The following TRIM44 variants were observed in gnomAD, a reference collection of about 807,000 sequenced individuals.
TRIM44 encodes tripartite motif containing 44.
A neutral mutation model predicts 37.4 loss-of-function variants in TRIM44; 13 were observed. The observed-to-expected ratio is 0.35, with a 90% confidence interval of 0.23 to 0.55. The LOEUF is 0.55. Among genes scored for constraint, TRIM44 ranks in the 20% least tolerant of loss-of-function variants. The probability of loss-of-function intolerance (pLI) is 0.89; values close to 1 mark genes in which losing one functional copy is unlikely to be tolerated. For missense variants in TRIM44, 426 were observed against 437.2 expected (o/e 0.97, Z 0.23); for synonymous variants, 175 against 157.2 (o/e 1.11, Z -0.85).
chr11:35,701,603 T>C (rs1005935141), intron 2 of TRIM44, among the ~76,000 whole-genome samples: 25 of 152,164 alleles, frequency 1.6e-4, no homozygotes, highest in African/African-American at 5.8e-4. Flanking sequence ...GTCACGTGGT[T>C]ACAAGGTCGA....
rs537418699 is a variant in TRIM44 at position 35,666,841 on chromosome 11, GATCT to G, written c.669+3066_669+3069del. On this transcript the variant is annotated intron_variant, in intron 1 of 4. Coordinates refer to ENST00000299413, the MANE Select transcript of TRIM44 (RefSeq NM_017583.6). ...TAACTTTTATATATTGTTTTTTTGTGATCTATCTGCTGAATTATCTTACATATCC... is the reference window on the plus strand; with the variant it reads ...TAACTTTTATATATTGTTTTTTTGTGATCTGCTGAATTATCTTACATATCC... 4.0e-3 allele frequency among the ~76,000 whole-genome samples: 605 copies of G among 152,158 alleles called. 1 individual carries two copies. The highest frequency in any genetic ancestry group is 6.4e-3 in the Non-Finnish European group (434 of 67,978).
intron 2 of TRIM44, among the ~76,000 whole-genome samples, chr11:35,689,691 A>C (rs1423406556): frequency 6.6e-6 from 1 of 152,042 alleles, no homozygotes; most frequent in African/African-American, 2.4e-5. Context: ...GAGCTTTTTT[A>C]TTTCTTTATC....
At chr11:35,791,933 G>A (rs1183809919) in intron 4 of TRIM44, among the ~76,000 whole-genome samples, 2 of 152,148 alleles carry the variant, frequency 1.3e-5, no homozygotes, top group East Asian at 1.9e-4. Flanking sequence ...CAGGAGGGGA[G>A]TGATACAAAA....
intron 3 of TRIM44, among the ~76,000 whole-genome samples, chr11:35,734,187 C>CAT (rs138033159): frequency 1.2e-3 from 180 of 151,428 alleles, no homozygotes; most frequent in African/African-American, 2.7e-3. Flanking sequence ...CCTTAGTTAG[C>CAT]ATATATATAT....
chr11:35,708,982 GCCC>G (rs11286693), intron 2 of TRIM44, among the ~76,000 whole-genome samples: 1 of 148,108 alleles, frequency 6.8e-6, no homozygotes, highest in Non-Finnish European at 1.5e-5. Context: ...ATGTTGCCAT[GCCC>G]CCCCCCCAAA....
intron 3 of TRIM44, among the ~76,000 whole-genome samples, chr11:35,731,563 A>C (rs933907349): frequency 6.6e-6 from 1 of 152,070 alleles, no homozygotes; most frequent in African/African-American, 2.4e-5. Flanking sequence ...TATTAGGATT[A>C]TGTTGGCTTC....
intron 4 of TRIM44, among the ~76,000 whole-genome samples, chr11:35,771,737 A>G (rs1293832646): frequency 6.6e-6 from 1 of 152,134 alleles, no homozygotes; most frequent in Non-Finnish European, 1.5e-5. Context: ...AAAAGAAAAA[A>G]AAAAAAAAGC....
At chr11:35,714,257 G>A (rs1852011209) in intron 2 of TRIM44, among the ~76,000 whole-genome samples, 1 of 152,132 alleles carries the variant, frequency 6.6e-6, no homozygotes, top group Admixed American at 6.5e-5. Context: ...TCTGCTGATG[G>A]TTCTGTGTGC....
intron 1 of TRIM44, among the ~76,000 whole-genome samples, chr11:35,677,697 T>C (rs1000746353): frequency 6.6e-6 from 1 of 152,190 alleles, no homozygotes; most frequent in African/African-American, 2.4e-5. Context: ...CAAATATTTA[T>C]TGAAGGCTTA....
intron 2 of TRIM44, among the ~76,000 whole-genome samples, chr11:35,718,923 G>T (rs907057334): frequency 1.3e-5 from 2 of 150,742 alleles, no homozygotes; most frequent in Non-Finnish European, 3.0e-5. Context: ...TTGGTGGGGC[G>T]GGGGGGTTGA....
chr11:35,739,949 A>G (rs1185019389), intron 4 of TRIM44, among the ~76,000 whole-genome samples: 1 of 151,972 alleles, frequency 6.6e-6, no homozygotes, highest in African/African-American at 2.4e-5. Flanking sequence ...AAATACAAAA[A>G]TTAGCTGGGC....
At chr11:35,714,804 C>T (rs969451364) in intron 2 of TRIM44, among the ~76,000 whole-genome samples, 2 of 152,112 alleles carry the variant, frequency 1.3e-5, no homozygotes, top group African/African-American at 4.8e-5. Context: ...CGATAGTTCC[C>T]GAAGCAGAAG....
intron 2 of TRIM44, among the ~76,000 whole-genome samples, chr11:35,720,584 A>G (rs1852094808): frequency 6.6e-6 from 1 of 152,218 alleles, no homozygotes; most frequent in South Asian, 2.1e-4. Flanking sequence ...GTTGAAAAGA[A>G]AAGGTGAGAG....
chr11:35,811,239 T>G lies in TRIM44; in HGVS notation c.*4854T>G, dbSNP rs1853524743. 6.6e-6 allele frequency: 1 copy of G among 152,142 alleles called. No individual in the cohort carries two copies. The highest frequency in any genetic ancestry group is 6.6e-5 in the Admixed American group (1 of 15,266). The allele number at this position is 152,142 out of a possible 1,614,324, so 9.4% of individuals were successfully genotyped here. A position where few individuals can be genotyped will look rare whatever the true frequency, so the allele number is the denominator to read the frequency against. On this transcript the variant is annotated 3_prime_UTR_variant, in exon 5 of 5. Coordinates refer to ENST00000299413, the MANE Select transcript of TRIM44 (RefSeq NM_017583.6). ...TCTGGGAAGTGGCAAAAGAACAGAC[T>G]TAAGATCATTATTATTTAGTGATAA...
chr11:35,760,436 C>A (rs1016993106), intron 4 of TRIM44, among the ~76,000 whole-genome samples: 1 of 152,222 alleles, frequency 6.6e-6, no homozygotes, highest in South Asian at 2.1e-4. Context: ...TGACCCCTTG[C>A]GCTTCCCAGG....
chr11:35,759,573 G>T (rs989344907), intron 4 of TRIM44, among the ~76,000 whole-genome samples: 89 of 152,144 alleles, frequency 5.8e-4, no homozygotes, highest in Non-Finnish European at 3.1e-4. Flanking sequence ...GATGAGAGGC[G>T]CTCTGATTTT....
intron 3 of TRIM44, among the ~76,000 whole-genome samples, chr11:35,728,140 A>G (rs1431648722): frequency 6.6e-6 from 1 of 152,220 alleles, no homozygotes; most frequent in African/African-American, 2.4e-5. Context: ...GCCCTGGCCA[A>G]CATGGCAAAA....
Position 35,784,203 on chromosome 11 carries a change from A to G in TRIM44, c.1008-22155A>G, listed in dbSNP as rs188478054. 3.9e-5 allele frequency among the ~76,000 whole-genome samples: 6 copies of G among 152,324 alleles called. No individual in the cohort carries two copies. In the East Asian group the frequency reaches 1.2e-3, roughly 29 times the overall value. ...AATGACCTCTCTTATGTTTGAAACA[A>G]TATGTAGGCCAGAATGCTCCAGACA... On this transcript the variant is annotated intron_variant, in intron 4 of 4. Coordinates refer to ENST00000299413, the MANE Select transcript of TRIM44 (RefSeq NM_017583.6).
At chr11:35,800,933 G>A (rs1853359994) in intron 4 of TRIM44, among the ~76,000 whole-genome samples, 1 of 152,134 alleles carries the variant, frequency 6.6e-6, no homozygotes. Context: ...CTAGAACTCT[G>A]GTATTTTCAT....
Sources: allele counts gnomAD v4.1 joint callset (sites outside exome capture counted in the v4.1 genomes callset), GRCh38; gene constraint gnomAD v4.1.1; transcripts MANE v1.5; gene names NCBI Gene and HGNC (gene_info 2026-07-23, HGNC 2026-07-21).